CLSTN2: variants seen among roughly 807,000 people sequenced by gnomAD.
CLSTN2 encodes the protein calsyntenin-2.
Under a neutral mutation model 101.2 loss-of-function variants are expected in CLSTN2, and 48 were observed. The observed-to-expected ratio is 0.47, with a 90% CI of 0.38 to 0.60. The LOEUF (loss-of-function observed/expected upper bound fraction) is 0.60, where lower values mean the gene tolerates loss of function less well. Among genes scored for constraint, CLSTN2 ranks in the 20% least tolerant of loss-of-function variants. The probability of loss-of-function intolerance (pLI) is 0.00; values close to 1 mark genes in which losing one functional copy is unlikely to be tolerated. For missense variants in CLSTN2, 1,160 were observed against 1,238.2 expected (o/e 0.94, Z 0.95); for synonymous variants, 481 against 463.6 (o/e 1.04, Z -0.48).
At chr3:140,348,978 C>T (rs1444027950) in intron 2 of CLSTN2, among the ~76,000 whole-genome samples, 3 of 152,210 alleles carry the variant, frequency 2.0e-5, no homozygotes, top group South Asian at 2.1e-4. Flanking sequence ...CACCCAAATC[C>T]TCATCTTTAA....
intron 2 of CLSTN2, among the ~76,000 whole-genome samples, chr3:140,250,181 G>T (rs529287829): frequency 6.6e-6 from 1 of 152,144 alleles, no homozygotes; most frequent in South Asian, 2.1e-4. Context: ...AACTTTTTGC[G>T]CAGCAAATGT....
At chr3:140,048,949 A>G (rs561495854) in intron 1 of CLSTN2, among the ~76,000 whole-genome samples, 1 of 151,662 alleles carries the variant, frequency 6.6e-6, no homozygotes, top group African/African-American at 2.4e-5. Context: ...TCCCGATTTG[A>G]CCAGCGGCAC....
intron 2 of CLSTN2, among the ~76,000 whole-genome samples, chr3:140,345,600 A>AT (rs35828839): frequency 0.14 from 16,473 of 121,018 alleles, 1,188 homozygotes; most frequent in Middle Eastern, 0.19. Flanking sequence ...TATGTGTGGA[A>AT]TTTTTTTTTT....
At chr3:140,427,530 T>A (rs1210795720) in intron 5 of CLSTN2, among the ~76,000 whole-genome samples, 1 of 152,002 alleles carries the variant, frequency 6.6e-6, no homozygotes, top group Non-Finnish European at 1.5e-5. Flanking sequence ...CATCTGATGC[T>A]TAGGAGACAG....
intron 1 of CLSTN2, among the ~76,000 whole-genome samples, chr3:140,060,957 A>C (rs2107772658): frequency 6.6e-6 from 1 of 152,238 alleles, no homozygotes; most frequent in South Asian, 2.1e-4. Context: ...CTGGAGAGGG[A>C]GACAGAGGAG....
At chr3:140,105,602 A>G (rs1282837772) in intron 1 of CLSTN2, among the ~76,000 whole-genome samples, 1 of 152,198 alleles carries the variant, frequency 6.6e-6, no homozygotes, top group Non-Finnish European at 1.5e-5. Context: ...TAAGCATCTA[A>G]TCTATGCAAG....
At chr3:140,526,338 C>G (rs1005907465) in intron 8 of CLSTN2, among the ~76,000 whole-genome samples, 12 of 152,052 alleles carry the variant, frequency 7.9e-5, no homozygotes, top group East Asian at 1.9e-4. Flanking sequence ...AATGAAATAC[C>G]TAAGAATTCG....
At chr3:140,214,684 T>C (rs2010899761) in intron 2 of CLSTN2, among the ~76,000 whole-genome samples, 1 of 152,174 alleles carries the variant, frequency 6.6e-6, no homozygotes, top group Non-Finnish European at 1.5e-5. Context: ...TCTCCAAGGA[T>C]TGCTTCTAGA....
intron 2 of CLSTN2, among the ~76,000 whole-genome samples, chr3:140,211,987 C>T (rs1359314683): frequency 2.0e-5 from 3 of 152,176 alleles, no homozygotes; most frequent in African/African-American, 7.2e-5. Context: ...CATAGATTTT[C>T]CCTGCACCAT....
intron 2 of CLSTN2, among the ~76,000 whole-genome samples, chr3:140,344,593 C>A (rs1409134766): frequency 6.6e-6 from 1 of 152,212 alleles, no homozygotes; most frequent in Non-Finnish European, 1.5e-5. Context: ...GGGGGTCCAA[C>A]TACCGCACTC....
At chr3:140,061,707 A>G (rs13315308) in intron 1 of CLSTN2, among the ~76,000 whole-genome samples, 8,576 of 152,314 alleles carry the variant, frequency 0.056, 326 homozygotes, top group Non-Finnish European at 0.079. Flanking sequence ...CAGTTTACCC[A>G]GGGCAGGACA....
Position 140,525,514 on chromosome 3 carries a change from A to G in CLSTN2, c.1345-6810A>G, listed in dbSNP as rs1471104740. ...ATTATCAGATCTGCAAAGAACTGAT[A>G]CCAATCCTACTGAAACTATTCCAAA... On this transcript the variant is annotated intron_variant, in intron 8 of 16. Transcript: ENST00000458420. 3.9e-5 allele frequency among the ~76,000 whole-genome samples: 6 copies of G among 152,214 alleles called. No individual in the cohort carries two copies. In the East Asian group the frequency reaches 1.2e-3, roughly 29 times the overall value.
intron 2 of CLSTN2, among the ~76,000 whole-genome samples, chr3:140,245,930 CAT>C (rs2086511865): frequency 6.6e-6 from 1 of 152,254 alleles, no homozygotes; most frequent in East Asian, 1.9e-4. Context: ...TGAGTTAGGA[CAT>C]GTGTATCACT....
chr3:140,233,301 G>T (rs2086387068), intron 2 of CLSTN2, among the ~76,000 whole-genome samples: 1 of 152,110 alleles, frequency 6.6e-6, no homozygotes, highest in Non-Finnish European at 1.5e-5. Context: ...CAAGTCCTCA[G>T]GTCTCAACAG....
At chr3:140,511,721 T>C (rs1414016440) in intron 8 of CLSTN2, among the ~76,000 whole-genome samples, 3 of 150,836 alleles carry the variant, frequency 2.0e-5, no homozygotes, top group Non-Finnish European at 3.0e-5. Context: ...GGCTAATTTT[T>C]TTTTTTTTTG....
chr3:140,072,528 G>T (rs969146622), intron 1 of CLSTN2, among the ~76,000 whole-genome samples: 1 of 152,118 alleles, frequency 6.6e-6, no homozygotes, highest in Non-Finnish European at 1.5e-5. Context: ...TTTACAGTGG[G>T]GTTGTGTAGA....
intron 2 of CLSTN2, among the ~76,000 whole-genome samples, chr3:140,397,179 C>G (rs1024879989): frequency 6.6e-6 from 1 of 151,942 alleles, no homozygotes; most frequent in Non-Finnish European, 1.5e-5. Context: ...TTTGCAGTCC[C>G]TAATATTGAG....
At chr3:140,092,187 G>A (rs929306533) in intron 1 of CLSTN2, among the ~76,000 whole-genome samples, 2 of 152,178 alleles carry the variant, frequency 1.3e-5, no homozygotes, top group Non-Finnish European at 2.9e-5. Context: ...ACTTAGAAGT[G>A]TTTAGGAATT....
At chr3:140,094,326 A>G (rs901618497) in intron 1 of CLSTN2, among the ~76,000 whole-genome samples, 1 of 152,214 alleles carries the variant, frequency 6.6e-6, no homozygotes, top group African/African-American at 2.4e-5. Flanking sequence ...TTTAGAGACC[A>G]TGCCCTTTCT....
Sources: gnomAD v4.1 joint callset for allele counts (sites outside exome capture counted in the v4.1 genomes callset) on GRCh38, gnomAD v4.1.1 for gene constraint, MANE v1.5 for transcripts, NCBI Gene and HGNC (gene_info 2026-07-23, HGNC 2026-07-21) for gene names.